FRMPD2: variants seen among roughly 807,000 people sequenced by gnomAD.
FRMPD2 encodes FERM and PDZ domain containing 2, also known as FERM and PDZ domain-containing protein 2.
FRMPD2 carries 96 observed loss-of-function variants against 140.1 expected under a neutral mutation model. The ratio of observed to expected loss-of-function variants is 0.69; its 90% CI spans 0.58 to 0.81. The LOEUF (loss-of-function observed/expected upper bound fraction) is 0.81. FRMPD2 is among the 40% of genes least tolerant of loss of function. The pLI is 0.00. For synonymous variants in FRMPD2, 449 were observed against 547.6 expected (o/e 0.82, Z 2.52); for missense variants, 1,240 against 1,447.4 (o/e 0.86, Z 2.32).
At chr10:48,177,363 G>A (rs1286395302) in intron 22 of FRMPD2, 1 of 150,230 alleles carries the variant, frequency 6.7e-6, no homozygotes, top group South Asian at 2.2e-4. Context: ...CACCCGCCTC[G>A]GCCTCCCAAA....
intron 12 of FRMPD2, among the ~76,000 whole-genome samples, chr10:48,216,895 G>C (rs904176698): frequency 6.6e-6 from 1 of 152,136 alleles, no homozygotes; most frequent in Non-Finnish European, 1.5e-5. Flanking sequence ...ACCACCCGAA[G>C]CTGGCCTAGG....
At chr10:48,244,542 T>C (rs1840200622) in intron 4 of FRMPD2, among the ~76,000 whole-genome samples, 1 of 152,246 alleles carries the variant, frequency 6.6e-6, no homozygotes, top group Non-Finnish European at 1.5e-5. Context: ...ATGGCCAAAC[T>C]TATCCTGCTT....
intron 15 of FRMPD2, among the ~76,000 whole-genome samples, chr10:48,194,660 A>C (rs1202271006): frequency 6.6e-6 from 1 of 152,096 alleles, no homozygotes; most frequent in African/African-American, 2.4e-5. Context: ...GATGCTGGAG[A>C]GTGCCTGGAG....
intron 14 of FRMPD2, among the ~76,000 whole-genome samples, chr10:48,206,251 A>G (rs552804018): frequency 2.6e-5 from 4 of 152,202 alleles, no homozygotes; most frequent in Non-Finnish European, 5.9e-5. Flanking sequence ...AAAATTTGCA[A>G]TCCTCAGTGT....
At chr10:48,271,453 G>A (rs960618971) in intron 1 of FRMPD2, among the ~76,000 whole-genome samples, 7 of 152,196 alleles carry the variant, frequency 4.6e-5, no homozygotes, top group African/African-American at 1.7e-4. Flanking sequence ...ATTGAAGAGT[G>A]AGTTCTGACA....
intron 1 of FRMPD2, among the ~76,000 whole-genome samples, chr10:48,254,919 A>G (rs561823584): frequency 6.6e-6 from 1 of 152,332 alleles, no homozygotes; most frequent in Admixed American, 6.5e-5. Context: ...GCCTTTAGCC[A>G]TCACACCAAG....
chr10:48,201,630 G>T (rs940912091), intron 14 of FRMPD2: 1 of 348,362 alleles, frequency 2.9e-6, no homozygotes, highest in Non-Finnish European at 5.3e-6. Flanking sequence ...CAAGGAGTGT[G>T]CTGGGTGAGA....
intron 15 of FRMPD2, among the ~76,000 whole-genome samples, chr10:48,197,085 T>A (rs1415152430): frequency 6.6e-6 from 1 of 152,214 alleles, no homozygotes; most frequent in Non-Finnish European, 1.5e-5. Flanking sequence ...TTCAATGAAA[T>A]GTTTATATGT....
Position 48,267,598 on chromosome 10 carries a change from C to T in FRMPD2, c.25+6945G>A, listed in dbSNP as rs144461699. On this transcript the variant is annotated intron_variant, in intron 1 of 28. Transcript: ENST00000374201. ...TGATAAGGGTCTAGTAACTGGAATA[C>T]ATGAAGAACTCCTACAATTCCTTAA... Among the ~76,000 whole-genome samples, 627 of 152,300 alleles carry T rather than the reference C, an allele frequency of 4.1e-3. 3 individuals are homozygous for T. The highest frequency in any genetic ancestry group is 0.015 in the African/African-American group (607 of 41,560).
At position 48,236,534 on chromosome 10, in the gene FRMPD2, A is replaced by C; in HGVS notation, c.941T>G (p.Ile314Ser). 6.2e-7 allele frequency: 1 copy of C among 1,614,188 alleles called. No homozygotes were observed. The highest frequency in any genetic ancestry group is 8.5e-7 in the Non-Finnish European group (1 of 1,179,994). Residue 314 changes from isoleucine (I) to serine (S), a missense_variant, in exon 9 of 29, where the codon ATC (isoleucine) becomes AGC (serine). Ile to Ser is a moderately radical substitution (Grantham distance 142). Transcript: ENST00000374201. ...CATCGGGGCCTCTCCAGCCAACAGG[A>C]TGAACTCTGGCCTGGAAAACTGGAG... is the stretch of plus-strand genomic sequence containing the variant. ...RRSKFSRPEF[I>S]LLAGEAPMTL...
intron 22 of FRMPD2, 195 bp downstream of exon 22, chr10:48,177,852 T>A (rs568783347): frequency 1.1e-4 from 50 of 466,474 alleles, no homozygotes; most frequent in South Asian, 3.1e-4. Flanking sequence ...GCCCTGCTCA[T>A]CCTGAGGTTC....
intron 20 of FRMPD2, among the ~76,000 whole-genome samples, chr10:48,183,850 T>TAAAAAAAAA (rs1564417711): frequency 3.9e-5 from 1 of 25,514 alleles, no homozygotes; most frequent in East Asian, 7.6e-4. Context: ...AGACTCCATC[T>TAAAAAAAAA]CAAAAAAAAA....
intron 13 of FRMPD2, among the ~76,000 whole-genome samples, chr10:48,207,867 G>T (rs1053992743): frequency 6.6e-6 from 1 of 152,052 alleles, no homozygotes; most frequent in Non-Finnish European, 1.5e-5. Flanking sequence ...CAAAAACAGG[G>T]ACAAATTATG....
Position 48,222,152 on chromosome 10 carries a change from G to C in FRMPD2, c.1455+161C>G, listed in dbSNP as rs566890638. 5.0e-4 allele frequency among the ~76,000 whole-genome samples: 76 copies of C among 152,062 alleles called. 1 individual carries two copies. The Middle Eastern group carries it at 0.014, about 27-fold the overall frequency. On this transcript the variant is annotated intron_variant, in intron 12 of 28. Transcript: ENST00000374201. ...TGGATGGATGGATGGATGGATGGAT[G>C]GATGGATGGATGGATGGATGGATAA...
intron 16 of FRMPD2, among the ~76,000 whole-genome samples, chr10:48,191,922 A>G (rs1413964666): frequency 6.6e-6 from 1 of 152,230 alleles, no homozygotes; most frequent in Non-Finnish European, 1.5e-5. Flanking sequence ...CTCTAAGGCC[A>G]GCTGCTTGTG....
chr10:48,226,569 C>T (rs150984074), intron 10 of FRMPD2, among the ~76,000 whole-genome samples: 2 of 152,170 alleles, frequency 1.3e-5, no homozygotes, highest in Admixed American at 6.5e-5. Flanking sequence ...CACTTTGACC[C>T]TTGTGTTATT....
chr10:48,172,662 T>C (rs1158177733), intron 25 of FRMPD2, among the ~76,000 whole-genome samples: 1 of 151,292 alleles, frequency 6.6e-6, no homozygotes, highest in East Asian at 2.0e-4. Context: ...ATCCTAAATA[T>C]TCACACAAAC....
In FRMPD2 at chr10:48,184,766, A is replaced by G. The variant is rs1233807889; in HGVS notation, c.2467+8T>C. 1.2e-6 allele frequency: 2 copies of G among 1,606,772 alleles called. No individual in the cohort carries two copies. The highest frequency in any genetic ancestry group is 2.2e-5 in the East Asian group (1 of 44,830). ...AAACAGCATCTCTAGTAATTTAAAAAGATGTACCTGGTTTGATCGTTTTTG... is the reference window on the plus strand; with the variant it reads ...AAACAGCATCTCTAGTAATTTAAAAGGATGTACCTGGTTTGATCGTTTTTG... On this transcript the variant is annotated splice_region_variant and intron_variant, in intron 19 of 28. Transcript: ENST00000374201.
intron 2 of FRMPD2, among the ~76,000 whole-genome samples, chr10:48,250,292 C>T (rs1840345309): frequency 6.6e-6 from 1 of 152,238 alleles, no homozygotes; most frequent in African/African-American, 2.4e-5. Flanking sequence ...GCAAGCACAG[C>T]TCCTCCCACA....
Sources: gnomAD v4.1 joint callset for allele counts (sites outside exome capture counted in the v4.1 genomes callset) on GRCh38, gnomAD v4.1.1 for gene constraint, MANE v1.5 for transcripts, NCBI Gene and HGNC (gene_info 2026-07-23, HGNC 2026-07-21) for gene names.